Variants in MYO15A observed in about 807,000 individuals in gnomAD.
MYO15A encodes unconventional myosin-XV.
In MYO15A, 308 loss-of-function variants were observed where a neutral mutation model predicts 394.6. The observed-to-expected ratio is 0.78, with a 90% confidence interval of 0.71 to 0.86. The LOEUF (loss-of-function observed/expected upper bound fraction) is 0.86, where lower values mean the gene tolerates loss of function less well. MYO15A is among the 40% of genes least tolerant of loss of function. The probability of loss-of-function intolerance (pLI) is 0.00; values close to 1 mark genes in which losing one functional copy is unlikely to be tolerated. For synonymous variants in MYO15A, 1,957 were observed against 2,003.8 expected (o/e 0.98, Z 0.62); for missense variants, 4,606 against 4,799.1 (o/e 0.96, Z 1.19).
At chr17:18,137,056 G>A (rs1462874412) in intron 15 of MYO15A, among the ~76,000 whole-genome samples, 1 of 152,234 alleles carries the variant, frequency 6.6e-6, no homozygotes, top group African/African-American at 2.4e-5. Context: ...GCAAGGGCTG[G>A]GAGGGGTGGC....
chr17:18,159,071 C>T (rs2142392608), intron 53 of MYO15A, 74 bp downstream of exon 53: 1 of 1,508,218 alleles, frequency 6.6e-7, no homozygotes, highest in Non-Finnish European at 9.1e-7. Context: ...GCCCCTGGGG[C>T]CAACAAACTT....
rs755139806 is a variant in MYO15A, at chr17:18,172,193, T to C, written c.10253T>C (p.Phe3418Ser). ...LSALPMFGSS[F>S]FFIQSCSNIA... Reference sequence around the variant, plus strand: ...GCCTTACCTATGTTCGGCTCCTCCTTCTTCTTCATCCAGAGCTGCAGCAAC... The same window carrying C: ...GCCTTACCTATGTTCGGCTCCTCCTCCTTCTTCATCCAGAGCTGCAGCAAC... Residue 3418 changes from phenylalanine to serine, a missense_variant, in exon 64 of 66, where the codon TTC (phenylalanine) becomes TCC (serine). Physicochemically the swap from Phe to Ser is radical, Grantham distance 155. This residue lies in a region of MYO15A where 2,776 missense variants were observed against 3,109.3 expected (regional missense o/e 0.89). Transcript: ENST00000647165. 3.7e-6 allele frequency: 6 copies of C among 1,614,112 alleles called. No individual in the cohort carries two copies. The highest frequency in any genetic ancestry group is 5.1e-6 in the Non-Finnish European group (6 of 1,179,972).
intron 2 of MYO15A, 87 bp from the exon 3 acceptor site, chr17:18,124,396 G>A: frequency 1.5e-6 from 2 of 1,379,268 alleles, no homozygotes; most frequent in Admixed American, 3.6e-5. Context: ...AACAATGGTA[G>A]CAGGCCCCAG....
chr17:18,125,337 G>T, intron 4 of MYO15A, 106 bp downstream of exon 4: 1 of 1,111,702 alleles, frequency 9.0e-7, no homozygotes, highest in Non-Finnish European at 1.4e-6. Flanking sequence ...AGCCCCTGTG[G>T]CCTCTGCCTA....
chr17:18,120,567 C>T lies in MYO15A; in HGVS notation c.1767C>T (p.Leu589=). ...TLSEKKPIAR[L]RGSQKARAGG... Reference sequence around the variant, plus strand: ...CGGAGAAGAAGCCCATCGCGCGGCTCAGGGGCAGCCAGAAGGCCCGGGCGG... The same window carrying T: ...CGGAGAAGAAGCCCATCGCGCGGCTTAGGGGCAGCCAGAAGGCCCGGGCGG... The change falls in exon 2 of 66, where the codon CTC becomes CTT. Residue 589 remains leucine (L), a synonymous_variant. Coordinates refer to ENST00000647165, the MANE Select transcript of MYO15A (RefSeq NM_016239.4). 1 of 1,599,304 alleles carries T rather than the reference C, an allele frequency of 6.3e-7. No individual in the cohort carries two copies. The highest frequency in any genetic ancestry group is 1.1e-5 in the South Asian group (1 of 89,872).
In MYO15A at chr17:18,178,883, C is replaced by A; in HGVS notation, c.*13C>A. On this transcript the variant is annotated 3_prime_UTR_variant, in exon 66 of 66. Transcript: ENST00000647165. Reference sequence around the variant, plus strand: ...CACCCTGCTCTGACCCAGCCCCCAGCCCTCCAGTACCTTCTGCCAGAAGAC... The same window carrying A: ...CACCCTGCTCTGACCCAGCCCCCAGACCTCCAGTACCTTCTGCCAGAAGAC... The A allele has an allele frequency of 6.2e-7, 1 of 1,610,156 alleles. No individual in the cohort carries two copies. Among genetic ancestry groups the A allele is most frequent in the Non-Finnish European group, 8.5e-7 (1 of 1,178,592 alleles).
At chr17:18,136,817 C>A in intron 15 of MYO15A, 131 bp downstream of exon 15, 1 of 1,298,052 alleles carries the variant, frequency 7.7e-7, no homozygotes, top group Non-Finnish European at 1.1e-6. Context: ...TGGACCCCTC[C>A]CTGTCACCAT....
chr17:18,130,664 T>G, intron 7 of MYO15A, 141 bp from the exon 8 acceptor site: 2 of 1,416,190 alleles, frequency 1.4e-6, no homozygotes, highest in Non-Finnish European at 2.0e-6. Context: ...ACCCCTGGGG[T>G]CTCTGAGCCT....
chr17:18,148,268 C>G lies in MYO15A; in HGVS notation c.6691+58C>G. On this transcript the variant is annotated intron_variant, in intron 31 of 65. Transcript: ENST00000647165. This position sits in a 1 kb window ranked among gnomAD's most constrained non-coding sequence, Gnocchi z 4.8. ...GTGGGAGTCAGCAGGGCCCAGTGAG[C>G]CCCGGGGATGGCAGAAGCCACTGGA... 6.2e-7 allele frequency: 1 copy of G among 1,603,240 alleles called. No individual in the cohort carries two copies. The highest frequency in any genetic ancestry group is 8.5e-7 in the Non-Finnish European group (1 of 1,175,314).
chr17:18,160,364 A>G (rs1259619048), intron 56 of MYO15A, among the ~76,000 whole-genome samples: 2 of 152,228 alleles, frequency 1.3e-5, no homozygotes, highest in African/African-American at 4.8e-5. Context: ...GCATAGCTGG[A>G]TCCAGGTGTC....
intron 35 of MYO15A, 27 bp downstream of exon 35, chr17:18,149,607 T>C: frequency 6.2e-7 from 1 of 1,607,792 alleles, no homozygotes; most frequent in Non-Finnish European, 8.5e-7. Context: ...GTGGGTCATT[T>C]GCAGACAGCA....
Position 18,140,505 on chromosome 17 carries a change from A to T in MYO15A, c.5212-12A>T. On this transcript the variant is annotated splice_polypyrimidine_tract_variant and intron_variant, in intron 19 of 65. Transcript: ENST00000647165. Reference sequence around the variant, plus strand: ...CTGCCTGTCTGTTTTCCCTGCCCCGACCCCTGCCCAGGTGGTGGCACACCT... The same window carrying T: ...CTGCCTGTCTGTTTTCCCTGCCCCGTCCCCTGCCCAGGTGGTGGCACACCT... The T allele has an allele frequency of 6.2e-7, 1 of 1,612,906 alleles. No individual in the cohort carries two copies. Among genetic ancestry groups the T allele is most frequent in the Non-Finnish European group, 8.5e-7 (1 of 1,179,900 alleles).
Position 18,179,422 on chromosome 17 carries a change from G to A in MYO15A, c.*552G>A, listed in dbSNP as rs1325064246. ...TTCTCCATGGAGTTGCTAAGTGGCC[G>A]GAAAACAAGCCTGAGGGAGGAGGCA... On this transcript the variant is annotated 3_prime_UTR_variant, in exon 66 of 66. Coordinates refer to ENST00000647165, the MANE Select transcript of MYO15A (RefSeq NM_016239.4). 3 of 182,798 alleles carry A rather than the reference G, an allele frequency of 1.6e-5. No individual in the cohort carries two copies. Among genetic ancestry groups the A allele is most frequent in the Admixed American group, 5.4e-5 (1 of 18,556 alleles). The allele number at this position is 182,798 out of a possible 1,614,324, so 11.3% of individuals were successfully genotyped here. A position where few individuals can be genotyped will look rare whatever the true frequency, so the allele number is the denominator to read the frequency against.
At position 18,171,656 on chromosome 17, in the gene MYO15A, C is replaced by T; in HGVS notation, c.10101C>T (p.Tyr3367=). The T allele has an allele frequency of 6.2e-7, 1 of 1,613,920 alleles. No individual in the cohort carries two copies. The highest frequency in any genetic ancestry group is 8.5e-7 in the Non-Finnish European group (1 of 1,180,044). ...YLPSVREVQE[Y]IPAQLYRTTA... ...TACACAGGCGGGAAGTCCAGGAGTACATCCCAGCCCAGCTCTACCGTACAA... is the reference window on the plus strand; with the variant it reads ...TACACAGGCGGGAAGTCCAGGAGTATATCCCAGCCCAGCTCTACCGTACAA... Residue 3367 remains tyrosine, a synonymous_variant, in exon 63 of 66, where the codon TAC becomes TAT. Transcript: ENST00000647165.
chr17:18,163,674 G>A lies in MYO15A; in HGVS notation c.9691-68G>A, dbSNP rs559013702. On this transcript the variant is annotated intron_variant, in intron 59 of 65. Transcript: ENST00000647165. ...CTCCACACATGGCCTCTGGGGGCCT[G>A]AGTGGGGCCAGAAGGACAGAGGTCA... is the stretch of plus-strand genomic sequence containing the variant. 4.7e-5 allele frequency: 68 copies of A among 1,440,926 alleles called. 2 individuals carry two copies. The South Asian group carries it at 7.9e-4, about 17-fold the overall frequency. 89.3% of individuals were successfully genotyped at this position (1,440,926 alleles called of 1,614,324 possible).
chr17:18,116,947 A>T (rs2045797001), intron 1 of MYO15A, among the ~76,000 whole-genome samples: 1 of 150,832 alleles, frequency 6.6e-6, no homozygotes, highest in African/African-American at 2.4e-5. Context: ...GAAAGAAAGA[A>T]CATTGCCCCT....
chr17:18,114,241 C>CTTT (rs10583154), intron 1 of MYO15A, among the ~76,000 whole-genome samples: 3,185 of 55,562 alleles, frequency 0.057, 834 homozygotes, highest in Non-Finnish European at 0.077. Flanking sequence ...ACAGTCCTGT[C>CTTT]TTTTTTTTTT....
At chr17:18,173,687 G>A in intron 64 of MYO15A, 94 bp from the exon 65 acceptor site, 1 of 1,556,432 alleles carries the variant, frequency 6.4e-7, no homozygotes, top group Non-Finnish European at 8.9e-7. Context: ...TGAGTCTCCT[G>A]CCTCCTACAG....
chr17:18,123,384 C>G (rs2045974162), intron 2 of MYO15A: 1 of 152,324 alleles, frequency 6.6e-6, no homozygotes, highest in African/African-American at 2.4e-5. Context: ...TCCTCCTTAC[C>G]CTGGAATACG....
Sources: gnomAD v4.1 joint callset for allele counts (sites outside exome capture counted in the v4.1 genomes callset) on GRCh38, gnomAD v4.1.1 for gene constraint, gnomAD v4.1.1 regional missense constraint, Gnocchi (gnomAD v3.1) non-coding constraint, MANE v1.5 for transcripts, NCBI Gene and HGNC (gene_info 2026-07-23, HGNC 2026-07-21) for gene names.